SLC25A48: variants seen among roughly 807,000 people sequenced by gnomAD.
The protein encoded by SLC25A48 is CTC-321K16.1.
In SLC25A48, 29 loss-of-function variants were observed where a neutral mutation model predicts 32.2. The ratio of observed to expected loss-of-function variants is 0.90; its 90% CI spans 0.67 to 1.23. The LOEUF (loss-of-function observed/expected upper bound fraction) is 1.23. Ranked by LOEUF, SLC25A48 falls within the 50% of genes most tolerant of loss-of-function variation. SLC25A48 has a pLI of 0.00. For synonymous variants in SLC25A48, 164 were observed against 172.3 expected (o/e 0.95, Z 0.38); for missense variants, 399 against 422.7 (o/e 0.94, Z 0.49).
chr5:135,775,568 A>T (rs1756533249), intron 3 of SLC25A48, among the ~76,000 whole-genome samples: 1 of 151,596 alleles, frequency 6.6e-6, no homozygotes, highest in Admixed American at 6.6e-5. Context: ...ATTGTTCCTA[A>T]TATCTGGTGG....
intron 3 of SLC25A48, among the ~76,000 whole-genome samples, chr5:135,735,080 G>T (rs1176485467): frequency 6.6e-6 from 1 of 152,208 alleles, no homozygotes; most frequent in Non-Finnish European, 1.5e-5. Flanking sequence ...CACGGCTTAG[G>T]AGGAATCCCA....
chr5:135,663,471 G>A (rs1753451863), intron 3 of SLC25A48, among the ~76,000 whole-genome samples: 1 of 152,134 alleles, frequency 6.6e-6, no homozygotes, highest in South Asian at 2.1e-4. Flanking sequence ...ACCCCTGGGG[G>A]ACAAAAATCA....
chr5:135,797,430 G>A (rs139541982), intron 3 of SLC25A48, among the ~76,000 whole-genome samples: 3 of 151,854 alleles, frequency 2.0e-5, no homozygotes, highest in African/African-American at 7.3e-5. Context: ...CACCCTTGCT[G>A]TGAAATTGCT....
At chr5:135,796,519 G>T (rs936887078) in intron 3 of SLC25A48, among the ~76,000 whole-genome samples, 1 of 151,470 alleles carries the variant, frequency 6.6e-6, no homozygotes, top group Non-Finnish European at 1.5e-5. Flanking sequence ...GGGGGTGAGA[G>T]GATGATATTA....
At chr5:135,823,361 C>A (rs997310833) in intron 4 of SLC25A48, among the ~76,000 whole-genome samples, 1 of 152,130 alleles carries the variant, frequency 6.6e-6, no homozygotes, top group African/African-American at 2.4e-5. Flanking sequence ...GGCCACGTGT[C>A]CCCTCTGGGC....
At chr5:135,694,913 C>A (rs1316140268) in intron 3 of SLC25A48, among the ~76,000 whole-genome samples, 1 of 152,158 alleles carries the variant, frequency 6.6e-6, no homozygotes, top group Non-Finnish European at 1.5e-5. Context: ...GAATTTAATT[C>A]TTCAAAGGCT....
intron 3 of SLC25A48, among the ~76,000 whole-genome samples, chr5:135,684,316 C>A (rs961135980): frequency 6.6e-6 from 1 of 151,678 alleles, no homozygotes; most frequent in African/African-American, 2.4e-5. Flanking sequence ...TTTTTTTCCT[C>A]CACAAATGGT....
At chr5:135,740,976 C>T (rs1333101874) in intron 3 of SLC25A48, among the ~76,000 whole-genome samples, 1 of 152,216 alleles carries the variant, frequency 6.6e-6, no homozygotes. Flanking sequence ...CAGATAAAAT[C>T]ATCATCCCTT....
intron 3 of SLC25A48, chr5:135,671,764 A>C (rs1753660801): frequency 6.6e-6 from 1 of 152,226 alleles, no homozygotes; most frequent in Non-Finnish European, 1.5e-5. Context: ...TCATTTTTAT[A>C]TTTCTTTCGT....
At chr5:135,610,859 A>T (rs1267144098) in intron 1 of SLC25A48, among the ~76,000 whole-genome samples, 1 of 152,262 alleles carries the variant, frequency 6.6e-6, no homozygotes, top group Non-Finnish European at 1.5e-5. Flanking sequence ...CTCAGAGCTT[A>T]TTCTCACTTT....
chr5:135,883,354 A>G (rs1762606525), intron 7 of SLC25A48: 5 of 985,392 alleles, frequency 5.1e-6, no homozygotes, highest in Non-Finnish European at 6.0e-6. Flanking sequence ...ACTGGAGTAA[A>G]ATAGACCCTC....
chr5:135,813,712 G>C (rs1757644698), intron 4 of SLC25A48, among the ~76,000 whole-genome samples: 1 of 152,222 alleles, frequency 6.6e-6, no homozygotes, highest in Non-Finnish European at 1.5e-5. Context: ...CAGGCAGAGA[G>C]GGAAAATTAA....
intron 1 of SLC25A48, among the ~76,000 whole-genome samples, chr5:135,598,758 G>A (rs1350398977): frequency 6.8e-6 from 1 of 146,424 alleles, no homozygotes; most frequent in Non-Finnish European, 1.5e-5. Flanking sequence ...TCACTTTGGG[G>A]TGGAGTATTA....
At chr5:135,608,727 C>A (rs1460576143) in intron 1 of SLC25A48, among the ~76,000 whole-genome samples, 3 of 152,122 alleles carry the variant, frequency 2.0e-5, no homozygotes, top group African/African-American at 7.2e-5. Context: ...ATGGAGGGTG[C>A]CTTCTTCTGT....
chr5:135,640,339 C>T (rs1422496636), intron 3 of SLC25A48, among the ~76,000 whole-genome samples: 1 of 152,082 alleles, frequency 6.6e-6, no homozygotes, highest in African/African-American at 2.4e-5. Context: ...GAGAATGAGG[C>T]AGAAAAATAC....
chr5:135,801,304 G>A (rs902061844), intron 3 of SLC25A48, among the ~76,000 whole-genome samples: 3 of 150,754 alleles, frequency 2.0e-5, no homozygotes, highest in African/African-American at 4.9e-5. Flanking sequence ...TATCGCAGGG[G>A]GTGTATACTC....
rs142904136 is a variant in SLC25A48, at chr5:135,836,447, A to G, written c.46+1554A>G. 1.3e-3 allele frequency among the ~76,000 whole-genome samples: 200 copies of G among 151,890 alleles called. 1 individual carries two copies. The highest frequency in any genetic ancestry group is 4.3e-3 in the African/African-American group (179 of 41,414). On this transcript the variant is annotated intron_variant, in intron 1 of 7. Transcript: ENST00000681962. ...GTGCCAGGTATAGTTTAAGTGCTAT[A>G]TGTATTCTTTTAAAACAATTTTATC...
At chr5:135,653,195 G>A (rs1351123696) in intron 3 of SLC25A48, among the ~76,000 whole-genome samples, 1 of 152,120 alleles carries the variant, frequency 6.6e-6, no homozygotes, top group Non-Finnish European at 1.5e-5. Flanking sequence ...TCAGTTTCAG[G>A]TATCTTGTTA....
rs1268880263 is a variant in SLC25A48, at chr5:135,781,050, G to C, written c.-520-31473G>C. 1.7e-4 allele frequency among the ~76,000 whole-genome samples: 20 copies of C among 115,870 alleles called. 3 individuals are homozygous for C. The highest frequency in any genetic ancestry group is 5.0e-4 in the African/African-American group (19 of 38,114). 76.0% of individuals were successfully genotyped at this position (115,870 alleles called of 152,430 possible). A position where few individuals can be genotyped will look rare whatever the true frequency, so the allele number is the denominator to read the frequency against. ...GATGATTCTACTTCCAATATTGCAG[G>C]GGGCGTACACCACCTCTGATATTGT... is the stretch of plus-strand genomic sequence containing the variant. On this transcript the variant is annotated intron_variant, in intron 3 of 10. Coordinates refer to the SLC25A48 transcript ENST00000646290.
Sources: allele counts gnomAD v4.1 joint callset (sites outside exome capture counted in the v4.1 genomes callset), GRCh38; gene constraint gnomAD v4.1.1; transcripts MANE v1.5; gene names NCBI Gene and HGNC (gene_info 2026-07-23, HGNC 2026-07-21).